The following CHTF18 variants were observed in gnomAD, a reference collection of about 807,000 sequenced individuals.
CHTF18 encodes chromosome transmission fidelity protein 18 homolog.
Under a neutral mutation model 113.4 loss-of-function variants are expected in CHTF18, and 151 were observed. That is an observed-to-expected ratio of 1.33 (90% confidence interval 1.17 to 1.52). The LOEUF (loss-of-function observed/expected upper bound fraction) is 1.52, where lower values mean the gene tolerates loss of function less well. Ranked by LOEUF, CHTF18 falls within the 40% of genes most tolerant of loss-of-function variation. CHTF18 has a pLI of 0.00. For synonymous variants in CHTF18, 916 were observed against 598.8 expected, an observed-to-expected ratio of 1.53 and a Z score of -7.74; for missense variants, 1,982 against 1,381.6, an observed-to-expected ratio of 1.43 and a Z score of -6.89.
chr16:789,122 C>T lies in CHTF18; in HGVS notation c.283C>T (p.His95Tyr). 2 of 1,541,992 alleles carry T rather than the reference C, an allele frequency of 1.3e-6. No homozygotes were observed. The highest frequency in any genetic ancestry group is 1.7e-6 in the Non-Finnish European group (2 of 1,143,000). The change falls in exon 2 of 22, where the codon CAC (histidine) becomes TAC (tyrosine). Residue 95 changes from histidine (H) to tyrosine (Y), a missense_variant. By Grantham distance (83) the His-to-Tyr change is moderately conservative (BLOSUM62 2). Transcript: ENST00000262315. ...CCTGCAGCCGGCCGGGTCCCTGCCC[C>T]ACGGTAGGTTGGCGGCATTGCCCCA... ...ADLQPAGSLP[H>Y]APRIKRPRLQ...
In CHTF18 at chr16:793,237, G is replaced by A. The variant is rs748026472; in HGVS notation, c.1765G>A (p.Val589Met). The A allele has an allele frequency of 1.2e-6, 2 of 1,608,576 alleles. No individual in the cohort carries two copies. Among genetic ancestry groups the A allele is most frequent in the Admixed American group, 1.7e-5 (1 of 59,736 alleles). ...LKDQRRGLFSVWQEVFQLPRA... is the reference protein window; with the variant it reads ...LKDQRRGLFSMWQEVFQLPRA... ...GGACCAGCGCAGAGGGCTCTTCTCGGTGTGGCAGGAGGTCTTCCAGCTGCC... is the reference window on the plus strand; with the variant it reads ...GGACCAGCGCAGAGGGCTCTTCTCGATGTGGCAGGAGGTCTTCCAGCTGCC... The change falls in exon 14 of 22, where the codon GTG becomes ATG. Residue 589 changes from valine (V) to methionine (M), a missense_variant. Val to Met is a conservative substitution (Grantham distance 21). Transcript: ENST00000262315.
chr16:796,486 C>T (rs996765614), intron 18 of CHTF18: 3 of 591,744 alleles, frequency 5.1e-6, no homozygotes, highest in Non-Finnish European at 5.8e-6. Flanking sequence ...TCCGTGGCAG[C>T]CATCGGCAGG....
chr16:789,949 C>T (rs200682348), intron 4 of CHTF18: 111 of 1,528,720 alleles, frequency 7.3e-5, no homozygotes, highest in Middle Eastern at 3.3e-4. Flanking sequence ...CTTGCTTCCC[C>T]TCCTGCTTTT....
At chr16:796,145 C>T (rs2042340727) in intron 18 of CHTF18, 68 bp downstream of exon 18, 8 of 1,540,970 alleles carry the variant, frequency 5.2e-6, no homozygotes, top group South Asian at 4.8e-5. Context: ...TGTTCAGGGC[C>T]CGCATGGGGC....
rs1176086589 is a variant in CHTF18 at position 797,753 on chromosome 16, T to C, written c.2791+2T>C. 1 of 1,516,956 alleles carries C rather than the reference T, an allele frequency of 6.6e-7. No individual in the cohort carries two copies. Among genetic ancestry groups the C allele is most frequent in the Admixed American group, 1.9e-5 (1 of 52,840 alleles). The allele number at this position is 1,516,956 out of a possible 1,614,324, so 94.0% of individuals were successfully genotyped here. A position where few individuals can be genotyped will look rare whatever the true frequency, so the allele number is the denominator to read the frequency against. ...GGAGCACAGCAGTCCCGAGTGCAGG[T>C]GTGTGTGGGGGTGTTGTGGGGTTGT... On this transcript the variant is annotated splice_donor_variant, in intron 21 of 21. Transcript: ENST00000262315. LOFTEE classifies it high-confidence loss of function.
At position 792,288 on chromosome 16, in the gene CHTF18, C is replaced by A. The variant is rs13330108; in HGVS notation, c.1267C>A (p.Leu423Met). The change falls in exon 10 of 22, where the codon CTG (leucine) becomes ATG (methionine). Residue 423 changes from leucine to methionine, a missense_variant. Coordinates refer to ENST00000262315, the MANE Select transcript of CHTF18 (RefSeq NM_022092.3). ...GGCGGCCACCCAGATGGAGTCGGTG[C>A]TGGGTGCTGGCGGGAAGCCCAACTG... ...IEAATQMESVLGAGGKPNCLV... is the reference protein window; with the variant it reads ...IEAATQMESVMGAGGKPNCLV... The A allele has an allele frequency of 6.4e-7, 1 of 1,557,362 alleles. No individual in the cohort carries two copies. The highest frequency in any genetic ancestry group is 1.2e-5 in the South Asian group (1 of 84,476).
chr16:795,777 C>CCTG lies in CHTF18; in HGVS notation c.2271_2273dup (p.Leu759dup). 1 of 1,609,806 alleles carries CCTG rather than the reference C, an allele frequency of 6.2e-7. No individual in the cohort carries two copies. The highest frequency in any genetic ancestry group is 8.5e-7 in the Non-Finnish European group (1 of 1,179,006). ...CGCGCAGCCGGGCCACGCCCCAGGC[C>CCTG]CTGCTCCTCGATGCCCTCTGCCTGC... On this transcript the variant is annotated inframe_insertion, in exon 17 of 22. Coordinates refer to ENST00000262315, the MANE Select transcript of CHTF18 (RefSeq NM_022092.3).
Position 795,936 on chromosome 16 carries a change from C to T in CHTF18, c.2326-11C>T, listed in dbSNP as rs1460904762. 5.0e-6 allele frequency: 8 copies of T among 1,603,632 alleles called. No individual in the cohort carries two copies. Among genetic ancestry groups the T allele is most frequent in the Non-Finnish European group, 6.8e-6 (8 of 1,173,568 alleles). On this transcript the variant is annotated splice_polypyrimidine_tract_variant and intron_variant, in intron 17 of 21. Coordinates refer to ENST00000262315, the MANE Select transcript of CHTF18 (RefSeq NM_022092.3). ...TGCTCAGCTCCCTGTCTGCTGCCTC[C>T]CATCCCCTAGGTGAGCACACAGCTG...
rs550288774 is a variant in CHTF18, at chr16:791,249, G to A, written c.983G>A (p.Ser328Asn). Residue 328 changes from serine to asparagine, a missense_variant, in exon 8 of 22, where the codon AGT (serine) becomes AAT (asparagine). Coordinates refer to ENST00000262315, the MANE Select transcript of CHTF18 (RefSeq NM_022092.3). ...AGGCCTTCCCGGAAGCCCAGGCCCAGTGTTGAGCCGGCCCGGGTCAGCAAG... is the reference window on the plus strand; with the variant it reads ...AGGCCTTCCCGGAAGCCCAGGCCCAATGTTGAGCCGGCCCGGGTCAGCAAG... ...HERPSRKPRP[S>N]VEPARVSKEA... 14 of 1,610,672 alleles carry A rather than the reference G, an allele frequency of 8.7e-6. No homozygotes were observed. The highest frequency in any genetic ancestry group is 1.2e-5 in the Non-Finnish European group (14 of 1,179,298).
intron 2 of CHTF18, 31 bp from the exon 3 acceptor site, chr16:789,179 G>T: frequency 6.5e-7 from 1 of 1,550,218 alleles, no homozygotes; most frequent in Non-Finnish European, 8.7e-7. Flanking sequence ...GGCTGAGGAG[G>T]CCTCTGGTTC....
In CHTF18 at chr16:792,519, G is replaced by A. The variant is rs1194731646; in HGVS notation, c.1407G>A (p.Ser469=). The change falls in exon 11 of 22, where the codon TCG becomes TCA. Residue 469 remains serine, a synonymous_variant. Transcript: ENST00000262315. The part of the protein sequence containing the change: ...EVGPQGPAVP[S]GGGRRRRAEG... ...GGCCACAGGGCCCGGCTGTGCCTTC[G>A]GGAGGCGGCCGACGGCGCCGGGCAG... 2.4e-5 allele frequency: 38 copies of A among 1,592,562 alleles called. No individual in the cohort carries two copies. The highest frequency in any genetic ancestry group is 5.7e-5 in the South Asian group (5 of 88,168).
rs199955523 is a variant in CHTF18, at chr16:789,668, C to G, written c.559C>G (p.Arg187Gly). 1.4e-5 allele frequency: 22 copies of G among 1,603,148 alleles called. No individual in the cohort carries two copies. Among genetic ancestry groups the G allele is most frequent in the East Asian group, 2.2e-5 (1 of 44,866 alleles). Residue 187 changes from arginine to glycine, a missense_variant, in exon 4 of 22, where the codon CGG (arginine) becomes GGG (glycine). Transcript: ENST00000262315. The stretch of plus-strand genomic sequence containing the variant: ...CCACGTGACATCCACGGAGGGCGTC[C>G]GGGCTTATCTGGTGCTGCGTGCTGA... ...YVHVTSTEGV[R>G]AYLVLRADPM...
intron 15 of CHTF18, 126 bp downstream of exon 15, chr16:794,327 C>T (rs979781252): frequency 2.3e-5 from 26 of 1,130,102 alleles, no homozygotes; most frequent in Middle Eastern, 2.6e-4. Context: ...GAGGCAGGTT[C>T]GGGAAATGGG....
intron 9 of CHTF18, 122 bp from the exon 10 acceptor site, chr16:792,102 A>G (rs1314531884): frequency 2.0e-5 from 31 of 1,529,384 alleles, no homozygotes; most frequent in Non-Finnish European, 1.1e-5. Context: ...CTCGGGGTTC[A>G]CGGGATCGGC....
chr16:793,551 C>G (rs913692434), intron 14 of CHTF18: 10 of 577,538 alleles, frequency 1.7e-5, no homozygotes, highest in Non-Finnish European at 3.1e-5. Context: ...CAGGGCGCCC[C>G]TTGACTCAGC....
intron 15 of CHTF18, among the ~76,000 whole-genome samples, 164 bp downstream of exon 15, chr16:794,365 C>A (rs926904573): frequency 6.6e-6 from 1 of 151,952 alleles, no homozygotes; most frequent in African/African-American, 2.4e-5. Context: ...AGGTGGGGAG[C>A]AGGAGCCAGG....
chr16:790,842 C>A, intron 7 of CHTF18, 176 bp downstream of exon 7: 1 of 1,430,426 alleles, frequency 7.0e-7, no homozygotes, highest in East Asian at 2.5e-5. Flanking sequence ...TGCTACTGGT[C>A]CCCTGTGACC....
intron 14 of CHTF18, chr16:793,660 G>C: frequency 3.7e-6 from 2 of 536,788 alleles, no homozygotes; most frequent in Non-Finnish European, 6.9e-6. Flanking sequence ...GTGGGCAGGA[G>C]CAGCCAGCAT....
chr16:794,028 A>C (rs771362266), intron 14 of CHTF18, 26 bp from the exon 15 acceptor site: 1 of 1,601,924 alleles, frequency 6.2e-7, no homozygotes, highest in Non-Finnish European at 8.5e-7. Flanking sequence ...ACACGGGTCC[A>C]TCTAGCTTCA....
Sources: gnomAD v4.1 joint callset for allele counts (sites outside exome capture counted in the v4.1 genomes callset) on GRCh38, gnomAD v4.1.1 for gene constraint, MANE v1.5 for transcripts, NCBI Gene and HGNC (gene_info 2026-07-23, HGNC 2026-07-21) for gene names.